The following FOXJ3 variants were observed in gnomAD, a reference collection of about 807,000 sequenced individuals.
The protein encoded by FOXJ3 is forkhead box J3.
In FOXJ3, 22 loss-of-function variants were observed where a neutral mutation model predicts 76.1. The ratio of observed to expected loss-of-function variants is 0.29; its 90% CI spans 0.21 to 0.41. The LOEUF is 0.41. Ranked by LOEUF, FOXJ3 falls within the 10% of genes least tolerant of loss-of-function variation. The pLI is 1.00. For missense variants in FOXJ3, 613 were observed against 762.1 expected, an observed-to-expected ratio of 0.80 and a Z score of 2.30; for synonymous variants, 269 against 261.2, an observed-to-expected ratio of 1.03 and a Z score of -0.29.
At chr1:42,235,622 G>C (rs905062680) in intron 4 of FOXJ3, among the ~76,000 whole-genome samples, 1 of 151,826 alleles carries the variant, frequency 6.6e-6, no homozygotes, top group African/African-American at 2.4e-5. Flanking sequence ...GAGTGCAGTG[G>C]CGCAACCTCG....
At chr1:42,230,743 T>C (rs1178013482) in intron 4 of FOXJ3, among the ~76,000 whole-genome samples, 1 of 152,040 alleles carries the variant, frequency 6.6e-6, no homozygotes, top group East Asian at 1.9e-4. Flanking sequence ...GAAACTCTTA[T>C]GCACTACTGA....
chr1:42,204,087 T>C (rs1359373484), intron 6 of FOXJ3, among the ~76,000 whole-genome samples: 2 of 151,792 alleles, frequency 1.3e-5, no homozygotes. Flanking sequence ...CAAACTCCAA[T>C]TTTGTCTCCC....
chr1:42,250,417 C>A (rs1649930894), intron 4 of FOXJ3, among the ~76,000 whole-genome samples: 1 of 152,088 alleles, frequency 6.6e-6, no homozygotes, highest in Admixed American at 6.5e-5. Context: ...GTTTCATGTC[C>A]AGGAACTATT....
chr1:42,223,127 A>G (rs1647286825), intron 5 of FOXJ3, among the ~76,000 whole-genome samples: 1 of 152,232 alleles, frequency 6.6e-6, no homozygotes, highest in Non-Finnish European at 1.5e-5. Context: ...TCTACAGAAT[A>G]AAGATCTGTC....
intron 7 of FOXJ3, among the ~76,000 whole-genome samples, chr1:42,197,360 G>C (rs141566656): frequency 5.6e-4 from 85 of 152,208 alleles, no homozygotes; most frequent in Middle Eastern, 3.4e-3. Flanking sequence ...AGAAAAAAAG[G>C]GGGGGAGGTC....
chr1:42,187,173 C>G (rs1410943285), intron 11 of FOXJ3, among the ~76,000 whole-genome samples: 3 of 151,384 alleles, frequency 2.0e-5, no homozygotes, highest in South Asian at 2.1e-4. Context: ...TAACACTGAC[C>G]CACATCATCT....
At chr1:42,218,253 C>G (rs1186277540) in intron 5 of FOXJ3, among the ~76,000 whole-genome samples, 1 of 152,174 alleles carries the variant, frequency 6.6e-6, no homozygotes, top group Non-Finnish European at 1.5e-5. Context: ...AATTGAGAAA[C>G]TGAATTACAA....
At chr1:42,331,736 C>T (rs1187663628) in intron 1 of FOXJ3, among the ~76,000 whole-genome samples, 1 of 151,494 alleles carries the variant, frequency 6.6e-6, no homozygotes, top group Non-Finnish European at 1.5e-5. Flanking sequence ...GTGATGGTTG[C>T]ACAACTCTGT....
intron 2 of FOXJ3, among the ~76,000 whole-genome samples, chr1:42,310,391 G>A (rs181565313): frequency 9.1e-4 from 138 of 151,422 alleles, no homozygotes; most frequent in Admixed American, 7.6e-3. Flanking sequence ...TGATCCGCCC[G>A]CCTTGGCCTC....
rs1178187124 is a variant in FOXJ3, at chr1:42,335,074, C to CCGGGA, written c.-38_-34dup. On this transcript the variant is annotated 5_prime_UTR_variant, in exon 1 of 13. Coordinates refer to ENST00000361346, the MANE Select transcript of FOXJ3 (RefSeq NM_014947.5). ...GGGCACTTACCTCAGGCTGCGCAGG[C>CCGGGA]CGGGACGGCCCGGCCGAGCCCCCGG... The CCGGGA allele has an allele frequency of 7.9e-5, 12 of 152,234 alleles. No homozygotes were observed. Among genetic ancestry groups the CCGGGA allele is most frequent in the African/African-American group, 2.4e-4 (10 of 41,414 alleles). 9.4% of individuals were successfully genotyped at this position (152,234 alleles called of 1,614,324 possible). A position where few individuals can be genotyped will look rare whatever the true frequency, so the allele number is the denominator to read the frequency against.
chr1:42,299,469 CTCTTTGA>C (rs1653994987), intron 2 of FOXJ3, among the ~76,000 whole-genome samples: 1 of 149,496 alleles, frequency 6.7e-6, no homozygotes, highest in Non-Finnish European at 1.5e-5. Flanking sequence ...CTTTTTTCAC[CTCTTTGA>C]GTCTGTAACT....
At chr1:42,234,905 G>A (rs776659340) in intron 4 of FOXJ3, among the ~76,000 whole-genome samples, 1 of 152,134 alleles carries the variant, frequency 6.6e-6, no homozygotes, top group Non-Finnish European at 1.5e-5. Context: ...CTGCATGCTG[G>A]GAGAACCACT....
At chr1:42,190,015 A>C (rs773955357) in intron 9 of FOXJ3, among the ~76,000 whole-genome samples, 1 of 152,216 alleles carries the variant, frequency 6.6e-6, no homozygotes, top group Non-Finnish European at 1.5e-5. Flanking sequence ...TAGCGAAGGA[A>C]GAAGGGTGAG....
chr1:42,262,072 G>C (rs1253580588), intron 4 of FOXJ3, among the ~76,000 whole-genome samples: 2 of 152,168 alleles, frequency 1.3e-5, no homozygotes, highest in Non-Finnish European at 2.9e-5. Context: ...TACTCTCTCT[G>C]TTAAGTGTTA....
intron 1 of FOXJ3, among the ~76,000 whole-genome samples, chr1:42,311,574 A>T (rs1654810621): frequency 6.6e-6 from 1 of 152,044 alleles, no homozygotes; most frequent in Admixed American, 6.6e-5. Context: ...AAATAGTGCT[A>T]CCTTTATTGG....
chr1:42,204,014 T>A (rs116799037), intron 6 of FOXJ3, among the ~76,000 whole-genome samples: 3,116 of 141,042 alleles, frequency 0.022, 98 homozygotes, highest in African/African-American at 0.075. Flanking sequence ...AAAAAAAAAG[T>A]TGGATTCACC....
At chr1:42,326,585 T>C (rs935576934) in intron 1 of FOXJ3, among the ~76,000 whole-genome samples, 1 of 152,186 alleles carries the variant, frequency 6.6e-6, no homozygotes, top group Non-Finnish European at 1.5e-5. Flanking sequence ...TTTATAGATG[T>C]ATACTTACAT....
At chr1:42,201,235 T>C (rs1240375017) in intron 6 of FOXJ3, among the ~76,000 whole-genome samples, 2 of 152,250 alleles carry the variant, frequency 1.3e-5, no homozygotes, top group African/African-American at 2.4e-5. Flanking sequence ...TTTTTATTTC[T>C]TGTTTGTAAC....
At chr1:42,320,566 T>C (rs1655371847) in intron 1 of FOXJ3, among the ~76,000 whole-genome samples, 1 of 152,182 alleles carries the variant, frequency 6.6e-6, no homozygotes, top group African/African-American at 2.4e-5. Context: ...ATACTGAAAT[T>C]ATACAGTATA....
Sources: gnomAD v4.1 joint callset for allele counts (sites outside exome capture counted in the v4.1 genomes callset) on GRCh38, gnomAD v4.1.1 for gene constraint, MANE v1.5 for transcripts, NCBI Gene and HGNC (gene_info 2026-07-23, HGNC 2026-07-21) for gene names.